The following MYO9A variants were observed in gnomAD, a reference collection of about 807,000 sequenced individuals.
MYO9A encodes the protein unconventional myosin-IXa.
MYO9A carries 103 observed loss-of-function variants against 293.3 expected under a neutral mutation model. The observed-to-expected ratio is 0.35, with a 90% CI of 0.30 to 0.41. The LOEUF (loss-of-function observed/expected upper bound fraction) is 0.41, where lower values mean the gene tolerates loss of function less well. Ranked by LOEUF, MYO9A falls within the 10% of genes least tolerant of loss-of-function variation. The pLI, the probability that MYO9A is intolerant of heterozygous loss-of-function variation, is 1.00. For missense variants in MYO9A, 2,685 were observed against 3,033.0 expected, an observed-to-expected ratio of 0.89 and a Z score of 2.69; for synonymous variants, 1,001 against 1,035.7, an observed-to-expected ratio of 0.97 and a Z score of 0.64.
rs2080037148 is a variant in MYO9A at position 72,095,493 on chromosome 15, A to G, written c.-72+22187T>C. Reference sequence around the variant, plus strand: ...AAAGAAGCCGCCTCCACAACATAAAAGTGCAAGGTAAAGCAGCAAGTGGTG... The same window carrying G: ...AAAGAAGCCGCCTCCACAACATAAAGGTGCAAGGTAAAGCAGCAAGTGGTG... On this transcript the variant is annotated intron_variant, in intron 1 of 41. Coordinates refer to ENST00000356056, the MANE Select transcript of MYO9A (RefSeq NM_006901.4). Among the ~76,000 whole-genome samples, 5 of 93,288 alleles carry G rather than the reference A, an allele frequency of 5.4e-5. 2 individuals are homozygous for G. In the South Asian group the frequency reaches 2.2e-3, roughly 40 times the overall value. The allele number at this position is 93,288 out of a possible 152,430, so 61.2% of individuals were successfully genotyped here. A position where few individuals can be genotyped will look rare whatever the true frequency, so the allele number is the denominator to read the frequency against.
rs139796538 is a variant in MYO9A, at chr15:71,899,934, C to T, written c.3223G>A (p.Ala1075Thr). ...AAVQKDAFVM[A>T]SAAALLQASW... ...GCTTGGAGAAGAGCAGCTGCACTAG[C>T]CATAACAAAAGCATCCTTCTGCACA... The change falls in exon 24 of 42, where the codon GCT becomes ACT. Residue 1075 changes from alanine (A) to threonine (T), a missense_variant. Ala to Thr is a moderately conservative substitution (Grantham distance 58). Coordinates refer to ENST00000356056, the MANE Select transcript of MYO9A (RefSeq NM_006901.4). 2.5e-6 allele frequency: 4 copies of T among 1,614,096 alleles called. No homozygotes were observed. In the African/African-American group the frequency reaches 5.3e-5, roughly 22 times the overall value.
At chr15:72,101,802 G>A (rs1409092847) in intron 1 of MYO9A, among the ~76,000 whole-genome samples, 19 of 82,274 alleles carry the variant, frequency 2.3e-4, no homozygotes, top group East Asian at 4.4e-4. Flanking sequence ...CAGCCGCCCC[G>A]TCCGGGAGGG....
intron 40 of MYO9A, 140 bp from the exon 41 acceptor site, chr15:71,828,166 A>T: frequency 1.1e-6 from 1 of 940,786 alleles, no homozygotes; most frequent in Non-Finnish European, 1.6e-6. Context: ...GGTGGTGATG[A>T]GGACCTGTAT....
At chr15:71,985,116 CACCATGTTG>C (rs2076376914) in intron 11 of MYO9A, among the ~76,000 whole-genome samples, 1 of 152,104 alleles carries the variant, frequency 6.6e-6, no homozygotes, top group Non-Finnish European at 1.5e-5. Flanking sequence ...GATGGGGTTT[CACCATGTTG>C]ACCAGGCTGG....
chr15:72,067,475 G>T (rs1336688295), intron 1 of MYO9A, among the ~76,000 whole-genome samples: 1 of 151,896 alleles, frequency 6.6e-6, no homozygotes, highest in East Asian at 1.9e-4. Context: ...TAGAGACGGG[G>T]TTTCACCATG....
intron 15 of MYO9A, 96 bp downstream of exon 15, chr15:71,951,681 C>A (rs554557012): frequency 6.9e-7 from 1 of 1,441,888 alleles, no homozygotes; most frequent in Admixed American, 1.8e-5. Context: ...GGCCATGTTG[C>A]CCATACAATC....
At chr15:71,958,803 T>G (rs2059261132) in intron 14 of MYO9A, 1 of 152,240 alleles carries the variant, frequency 6.6e-6, no homozygotes, top group Admixed American at 6.5e-5. Context: ...TGTTTATCAT[T>G]AATAACATTG....
intron 1 of MYO9A, among the ~76,000 whole-genome samples, chr15:72,103,459 A>AAGCAGCAGCAGCAGAAGC (rs1567044567): frequency 1.4e-5 from 2 of 144,732 alleles, no homozygotes; most frequent in Non-Finnish European, 3.0e-5. Flanking sequence ...GCAGCAGAAG[A>AAGCAGCAGCAGCAGAAGC]AGAAGCAGCA....
intron 1 of MYO9A, among the ~76,000 whole-genome samples, chr15:72,076,755 A>G (rs2079365579): frequency 6.6e-6 from 1 of 152,202 alleles, no homozygotes; most frequent in Admixed American, 6.5e-5. Context: ...TATCGTTTAT[A>G]TGGAAAAGTA....
intron 1 of MYO9A, among the ~76,000 whole-genome samples, chr15:72,116,501 T>C (rs1352285090): frequency 1.3e-5 from 2 of 152,218 alleles, no homozygotes; most frequent in Non-Finnish European, 2.9e-5. Context: ...ATTTCTGTAC[T>C]TGCTTCTTGG....
At chr15:72,056,969 G>T (rs2078738838) in intron 1 of MYO9A, among the ~76,000 whole-genome samples, 1 of 152,140 alleles carries the variant, frequency 6.6e-6, no homozygotes, top group Non-Finnish European at 1.5e-5. Context: ...AATTAGCCAG[G>T]CATGGTGGGT....
chr15:71,926,291 C>T (rs923769565), intron 18 of MYO9A, among the ~76,000 whole-genome samples: 3 of 152,146 alleles, frequency 2.0e-5, no homozygotes, highest in South Asian at 2.1e-4. Flanking sequence ...AAGCCATGCA[C>T]CGTGGTATAT....
In MYO9A at chr15:71,855,276, C is replaced by T. The variant is rs530952534; in HGVS notation, c.6154-707G>A. Among the ~76,000 whole-genome samples the T allele has an allele frequency of 2.0e-5, 3 of 152,286 alleles. No individual in the cohort carries two copies. In the South Asian group the frequency reaches 6.2e-4, roughly 32 times the overall value. The stretch of plus-strand genomic sequence containing the variant: ...TCAGCCTCCCAAGTAGCTGGGACTA[C>T]AGGCACATGACACCACGCCCAGCTA... On this transcript the variant is annotated intron_variant, in intron 34 of 41. Coordinates refer to ENST00000356056, the MANE Select transcript of MYO9A (RefSeq NM_006901.4).
rs1375687855 is a variant in MYO9A at position 71,824,435 on chromosome 15, A to AAT, written c.*2143_*2144dup. 1 of 152,158 alleles carries AAT rather than the reference A, an allele frequency of 6.6e-6. No homozygotes were observed. Among genetic ancestry groups the AAT allele is most frequent in the East Asian group, 1.9e-4 (1 of 5,188 alleles). 9.4% of individuals were successfully genotyped at this position (152,158 alleles called of 1,614,324 possible). ...CCACAGGAAATTATTCCATAAGGGCAATCTCTTTTTTTCATACAGGATTTA... is the reference window on the plus strand; with the variant it reads ...CCACAGGAAATTATTCCATAAGGGCAATATCTCTTTTTTTCATACAGGATTTA... On this transcript the variant is annotated 3_prime_UTR_variant, in exon 42 of 42. Coordinates refer to ENST00000356056, the MANE Select transcript of MYO9A (RefSeq NM_006901.4).
rs747385146 is a variant in MYO9A at position 71,901,236 on chromosome 15, A to C, written c.3105T>G (p.Cys1035Trp). 2.5e-6 allele frequency: 4 copies of C among 1,613,692 alleles called. No homozygotes were observed. The highest frequency in any genetic ancestry group is 2.2e-5 in the South Asian group (2 of 91,016). The part of the protein sequence containing the change: ...LLQRWFRVLL[C>W]RQHFLHLRQA... The stretch of plus-strand genomic sequence containing the variant: ...GTCTCAGATGGAGGAAATGCTGCCT[A>C]CACAGCAAGACCCTGAACCATCGCT... The change falls in exon 23 of 42, where the codon TGT becomes TGG. Residue 1035 changes from cysteine (C) to tryptophan (W), a missense_variant. Cys to Trp is a radical substitution (Grantham distance 215, BLOSUM62 -2). This residue lies in a region of MYO9A where 1,434 missense variants were observed against 1,497.7 expected (regional missense o/e 0.96). Transcript: ENST00000356056.
At chr15:72,081,806 C>T (rs1312021206) in intron 1 of MYO9A, among the ~76,000 whole-genome samples, 1 of 152,166 alleles carries the variant, frequency 6.6e-6, no homozygotes, top group Non-Finnish European at 1.5e-5. Flanking sequence ...GAGTCCTTTG[C>T]CCATTGCTTG....
chr15:71,914,025 T>C (rs530001435), intron 19 of MYO9A, among the ~76,000 whole-genome samples: 102 of 152,298 alleles, frequency 6.7e-4, no homozygotes, highest in Admixed American at 6.7e-3. Flanking sequence ...AACTCACATA[T>C]GCACAGATCA....
intron 34 of MYO9A, among the ~76,000 whole-genome samples, chr15:71,855,513 T>C (rs1439746756): frequency 6.6e-6 from 1 of 152,230 alleles, no homozygotes; most frequent in Non-Finnish European, 1.5e-5. Flanking sequence ...TTAAGATTAT[T>C]TGAAGTAATT....
rs546088834 is a variant in MYO9A, at chr15:72,107,330, C to A, written c.-72+10350G>T. ...TTGGGAGGCTGAGGCAGGCAGATCA[C>A]CTGAGGTCAGGAGTCCCAGACCAGC... On this transcript the variant is annotated intron_variant, in intron 1 of 41. Transcript: ENST00000356056. Among the ~76,000 whole-genome samples the A allele has an allele frequency of 3.3e-4, 51 of 152,242 alleles. No homozygotes were observed. The South Asian group carries it at 0.01, about 31-fold the overall frequency.
Sources: gnomAD v4.1 joint callset for allele counts (sites outside exome capture counted in the v4.1 genomes callset) on GRCh38, gnomAD v4.1.1 for gene constraint, gnomAD v4.1.1 regional missense constraint, MANE v1.5 for transcripts, NCBI Gene and HGNC (gene_info 2026-07-23, HGNC 2026-07-21) for gene names.